RBFOX1: variants seen among roughly 807,000 people sequenced by gnomAD.
RBFOX1 encodes RNA binding fox-1 homolog 1, also known as RNA binding protein fox-1 homolog 1.
In RBFOX1, 8 loss-of-function variants were observed where a neutral mutation model predicts 57.7. The observed-to-expected ratio is 0.14, with a 90% CI of 0.08 to 0.25. The LOEUF (loss-of-function observed/expected upper bound fraction) is 0.25, where lower values mean the gene tolerates loss of function less well. RBFOX1 is among the 10% of genes least tolerant of loss of function. RBFOX1 has a pLI of 1.00. For synonymous variants in RBFOX1, 326 were observed against 222.4 expected (o/e 1.47, Z -4.15); for missense variants, 611 against 548.5 (o/e 1.11, Z -1.14).
intron 2 of RBFOX1, among the ~76,000 whole-genome samples, chr16:6,512,019 C>G (rs1371780419): frequency 6.6e-6 from 1 of 151,882 alleles, no homozygotes. Flanking sequence ...ACCTGTAATC[C>G]AAGCCCTCTG....
intron 11 of RBFOX1, among the ~76,000 whole-genome samples, chr16:7,632,664 C>G (rs151013673): frequency 1.3e-4 from 20 of 152,268 alleles, no homozygotes; most frequent in African/African-American, 4.8e-4. Context: ...CCAAAACTTA[C>G]CATAGGGCTG....
At chr16:6,875,813 T>A (rs1306146753) in intron 3 of RBFOX1, among the ~76,000 whole-genome samples, 1 of 151,968 alleles carries the variant, frequency 6.6e-6, no homozygotes. Flanking sequence ...AAGACCAGTC[T>A]GGGGAACATG....
chr16:6,079,853 C>A (rs544395046), intron 1 of RBFOX1, among the ~76,000 whole-genome samples: 1 of 152,060 alleles, frequency 6.6e-6, no homozygotes, highest in Non-Finnish European at 1.5e-5. Context: ...AAAGAAAAAG[C>A]CTTTTTCTTG....
chr16:6,301,893 G>A (rs7197596), intron 1 of RBFOX1, among the ~76,000 whole-genome samples: 151,457 of 152,266 alleles, frequency 0.99, 75,335 homozygotes, highest in East Asian at 1. Flanking sequence ...ACGGGGATCC[G>A]GTAGCACAGG....
intron 4 of RBFOX1, among the ~76,000 whole-genome samples, chr16:7,173,999 A>G (rs2081202339): frequency 6.6e-6 from 1 of 152,208 alleles, no homozygotes; most frequent in African/African-American, 2.4e-5. Context: ...TCAGTCAATC[A>G]CAGTGAACTG....
chr16:6,876,092 G>C (rs1018186551), intron 3 of RBFOX1, among the ~76,000 whole-genome samples: 2 of 151,886 alleles, frequency 1.3e-5, no homozygotes, highest in Non-Finnish European at 2.9e-5. Context: ...AGGGTCACTT[G>C]ATCCAGAAGG....
chr16:7,672,071 C>T (rs937993165), intron 13 of RBFOX1, among the ~76,000 whole-genome samples: 2 of 152,156 alleles, frequency 1.3e-5, no homozygotes, highest in Non-Finnish European at 2.9e-5. Flanking sequence ...TCATGTGCAA[C>T]ATTAAGGGCC....
intron 1 of RBFOX1, among the ~76,000 whole-genome samples, chr16:6,258,626 C>T (rs2097683316): frequency 6.6e-6 from 1 of 152,174 alleles, no homozygotes; most frequent in Non-Finnish European, 1.5e-5. Flanking sequence ...TTCCTAATTT[C>T]ATCTTGTCCT....
intron 4 of RBFOX1, among the ~76,000 whole-genome samples, chr16:7,364,833 T>G (rs2097407485): frequency 6.6e-6 from 1 of 152,204 alleles, no homozygotes; most frequent in African/African-American, 2.4e-5. Flanking sequence ...GCAACATACT[T>G]GTTTTTCTGC....
intron 11 of RBFOX1, among the ~76,000 whole-genome samples, chr16:7,645,702 A>G (rs1023571490): frequency 6.6e-6 from 1 of 152,230 alleles, no homozygotes; most frequent in African/African-American, 2.4e-5. Context: ...TTCCTATTCA[A>G]TGCATTTCAA....
intron 1 of RBFOX1, among the ~76,000 whole-genome samples, chr16:6,129,496 T>C (rs2096614119): frequency 6.6e-6 from 1 of 151,398 alleles, no homozygotes. Flanking sequence ...GAAACAAAGG[T>C]AGTAAAATAA....
At chr16:6,345,314 A>C (rs1273353413) in intron 2 of RBFOX1, among the ~76,000 whole-genome samples, 2 of 152,324 alleles carry the variant, frequency 1.3e-5, no homozygotes, top group East Asian at 1.9e-4. Context: ...CTCCCCCTAT[A>C]GGCAGTGTGC....
intron 3 of RBFOX1, among the ~76,000 whole-genome samples, chr16:7,049,225 T>C (rs1381878487): frequency 1.3e-5 from 2 of 152,166 alleles, no homozygotes; most frequent in African/African-American, 2.4e-5. Context: ...AATTTTTCTG[T>C]TCACCTGCTT....
intron 3 of RBFOX1, among the ~76,000 whole-genome samples, chr16:6,939,471 T>C (rs1171695301): frequency 6.6e-6 from 1 of 151,754 alleles, no homozygotes; most frequent in Non-Finnish European, 1.5e-5. Flanking sequence ...TGCTCTGCTT[T>C]GCACAGAATT....
intron 4 of RBFOX1, among the ~76,000 whole-genome samples, chr16:7,500,241 A>C (rs1287640170): frequency 2.0e-5 from 3 of 152,196 alleles, no homozygotes; most frequent in Non-Finnish European, 4.4e-5. Flanking sequence ...GGAAAGAGTC[A>C]GTTACTGATC....
chr16:7,470,679 G>A (rs534462814), intron 4 of RBFOX1, among the ~76,000 whole-genome samples: 4 of 152,084 alleles, frequency 2.6e-5, no homozygotes, highest in Non-Finnish European at 5.9e-5. Context: ...TGTATGGTTA[G>A]ATGGAAGAGT....
intron 4 of RBFOX1, among the ~76,000 whole-genome samples, chr16:7,259,608 C>T (rs975126996): frequency 6.6e-6 from 1 of 151,940 alleles, no homozygotes; most frequent in African/African-American, 2.4e-5. Context: ...AACTCCAACA[C>T]TTTCTCTGTA....
intron 1 of RBFOX1, among the ~76,000 whole-genome samples, chr16:6,192,189 G>A (rs563524754): frequency 4.6e-5 from 7 of 151,914 alleles, no homozygotes; most frequent in African/African-American, 9.7e-5. Context: ...GCTATTTAAC[G>A]CAGCGAGATC....
chr16:5,965,265 A>G (rs947552814), intron 4 of RBFOX1, among the ~76,000 whole-genome samples: 1 of 152,214 alleles, frequency 6.6e-6, no homozygotes, highest in Admixed American at 6.5e-5. Context: ...TGTGGTGTAT[A>G]CTTGAAATTT....
Sources: allele counts gnomAD v4.1 joint callset (sites outside exome capture counted in the v4.1 genomes callset), GRCh38; gene constraint gnomAD v4.1.1; transcripts MANE v1.5; gene names NCBI Gene and HGNC (gene_info 2026-07-23, HGNC 2026-07-21).